The following AZI2 variants were observed in gnomAD, a reference collection of about 807,000 sequenced individuals.
The protein encoded by AZI2 is 5-azacytidine induced 2.
AZI2 carries 22 observed loss-of-function variants against 45.8 expected under a neutral mutation model. The observed-to-expected ratio is 0.48, with a 90% CI of 0.34 to 0.69. The LOEUF is 0.69. Among genes scored for constraint, AZI2 ranks in the 30% least tolerant of loss-of-function variants. The pLI is 0.01. For missense variants in AZI2, 417 were observed against 441.5 expected, an observed-to-expected ratio of 0.94 and a Z score of 0.50; for synonymous variants, 137 against 156.7, an observed-to-expected ratio of 0.87 and a Z score of 0.94.
intron 1 of AZI2, among the ~76,000 whole-genome samples, chr3:28,347,429 C>T (rs1464015435): frequency 2.0e-5 from 3 of 152,128 alleles, no homozygotes; most frequent in Non-Finnish European, 4.4e-5. Flanking sequence ...GAAATTGAGA[C>T]ATGAAAACAT....
At chr3:28,342,711 GCACACACACACACACA>G (rs71087691) in intron 1 of AZI2, among the ~76,000 whole-genome samples, 1 of 147,472 alleles carries the variant, frequency 6.8e-6, no homozygotes, top group African/African-American at 2.5e-5. Context: ...TCTTACACAT[GCACACACACACACACA>G]CACACACACA....
At chr3:28,345,128 A>G (rs1362811096) in intron 1 of AZI2, among the ~76,000 whole-genome samples, 2 of 152,120 alleles carry the variant, frequency 1.3e-5, no homozygotes, top group African/African-American at 4.8e-5. Flanking sequence ...TCCACTGCAG[A>G]TCTATGCAAA....
At chr3:28,327,144 T>C in intron 6 of AZI2, 194 bp from the exon 7 acceptor site, 1 of 528,066 alleles carries the variant, frequency 1.9e-6, no homozygotes, top group Non-Finnish European at 3.4e-6. Flanking sequence ...ACACTGTCCA[T>C]CTGATATGTA....
chr3:28,338,087 G>A, intron 3 of AZI2, 51 bp from the exon 4 acceptor site: 3 of 1,059,268 alleles, frequency 2.8e-6, no homozygotes, highest in Admixed American at 2.3e-5. Flanking sequence ...TCTACACGTT[G>A]GTATATTGTA....
chr3:28,336,753 T>C lies in AZI2; in HGVS notation c.572A>G (p.Gln191Arg), dbSNP rs1703808028. ...KECSDLKIEL[Q>R]KAKQTDPYQE... ...CTGTAATACCGTTTGTTTGGCTTTC[T>C]GTAGTTCTATTTTGAGATCGCTACA... Residue 191 changes from glutamine (Q) to arginine (R), a missense_variant, in exon 5 of 8, where the codon CAG (glutamine) becomes CGG (arginine). By Grantham distance (43) the Gln-to-Arg change is conservative. Coordinates refer to ENST00000479665, the MANE Select transcript of AZI2 (RefSeq NM_022461.5). The C allele has an allele frequency of 1.9e-6, 3 of 1,613,120 alleles. No homozygotes were observed. The highest frequency in any genetic ancestry group is 1.7e-6 in the Non-Finnish European group (2 of 1,179,462).
intron 1 of AZI2, among the ~76,000 whole-genome samples, chr3:28,343,979 ATATAT>A (rs1577142550): frequency 6.6e-6 from 1 of 151,588 alleles, no homozygotes; most frequent in East Asian, 1.9e-4. Context: ...CAAAAGTTGC[ATATAT>A]TATGTAAGAA....
rs771125946 is a variant in AZI2, at chr3:28,324,160, G to A, written c.1061C>T (p.Pro354Leu). The change falls in exon 8 of 8, where the codon CCT (proline) becomes CTT (leucine). Residue 354 changes from proline (P) to leucine (L), a missense_variant. By Grantham distance (98) the Pro-to-Leu change is moderately conservative. Transcript: ENST00000479665. ...LEDNSWVFPS[P>L]PKSSETAFGE... is the part of the protein sequence containing the mutation. ...AAATGCTGTCTCACTTGATTTAGGA[G>A]GACTTGGAAATACCCAGGAATTGTC... 7 of 1,610,646 alleles carry A rather than the reference G, an allele frequency of 4.3e-6. No homozygotes were observed. The highest frequency in any genetic ancestry group is 5.9e-6 in the Non-Finnish European group (7 of 1,177,626).
chr3:28,336,180 A>G (rs1703780860), intron 5 of AZI2, among the ~76,000 whole-genome samples: 2 of 152,054 alleles, frequency 1.3e-5, no homozygotes, highest in South Asian at 4.1e-4. Context: ...ACACTTCAGC[A>G]ACTTGGCAGG....
rs1703276633 is a variant in AZI2, at chr3:28,323,904, C to T, written c.*138G>A. The T allele has an allele frequency of 2.1e-6, 2 of 944,418 alleles. No individual in the cohort carries two copies. Among genetic ancestry groups the T allele is most frequent in the African/African-American group, 3.4e-5 (2 of 59,380 alleles). The allele number at this position is 944,418 out of a possible 1,614,324, so 58.5% of individuals were successfully genotyped here. A position where few individuals can be genotyped will look rare whatever the true frequency, so the allele number is the denominator to read the frequency against. On this transcript the variant is annotated 3_prime_UTR_variant, in exon 8 of 8. Coordinates refer to ENST00000479665, the MANE Select transcript of AZI2 (RefSeq NM_022461.5). Reference sequence around the variant, plus strand: ...CTATGTTGGTTTTTGTACTATTGTACAGTGTGTTCAAATATAGATACTGAA... The same window carrying T: ...CTATGTTGGTTTTTGTACTATTGTATAGTGTGTTCAAATATAGATACTGAA...
chr3:28,348,030 T>C (rs1186327365), intron 1 of AZI2: 2 of 152,238 alleles, frequency 1.3e-5, no homozygotes, highest in Non-Finnish European at 2.9e-5. Flanking sequence ...TTATCTCGCT[T>C]TCGAGTATTG....
chr3:28,338,741 G>A (rs1703896603), intron 2 of AZI2, 126 bp from the exon 3 acceptor site: 1 of 830,220 alleles, frequency 1.2e-6, no homozygotes, highest in Non-Finnish European at 1.7e-6. Context: ...GATTCATTAG[G>A]TGAGTATTTC....
intron 4 of AZI2, among the ~76,000 whole-genome samples, chr3:28,337,591 G>C (rs1308413763): frequency 6.6e-6 from 1 of 152,130 alleles, no homozygotes; most frequent in Non-Finnish European, 1.5e-5. Flanking sequence ...TTAACTGTGG[G>C]CAAGATGTTC....
chr3:28,324,754 TGAA>T (rs937921871), intron 7 of AZI2: 4 of 246,098 alleles, frequency 1.6e-5, no homozygotes, highest in African/African-American at 6.7e-5. Flanking sequence ...TTTTAAAAGA[TGAA>T]GAACTACATA....
At chr3:28,331,650 G>A (rs1703576384) in intron 6 of AZI2, 1 of 1,249,266 alleles carries the variant, frequency 8.0e-7, no homozygotes, top group Non-Finnish European at 1.0e-6. Flanking sequence ...TATTTACTTA[G>A]GTCAGTAAAC....
At position 28,321,065 on chromosome 3, in the gene AZI2, ACT is replaced by A. The variant is rs1432379404; in HGVS notation, c.*2975_*2976del. The A allele has an allele frequency of 6.6e-6, 1 of 151,384 alleles. No individual in the cohort carries two copies. The highest frequency in any genetic ancestry group is 1.5e-5 in the Non-Finnish European group (1 of 67,570). The allele number at this position is 151,384 out of a possible 1,614,324, so 9.4% of individuals were successfully genotyped here. On this transcript the variant is annotated 3_prime_UTR_variant, in exon 8 of 8. Coordinates refer to ENST00000479665, the MANE Select transcript of AZI2 (RefSeq NM_022461.5). ...TCCACACTTTACTCTTGAGTGAACC[ACT>A]CAAAAAACTATTTTACTTTTATTTG...
At chr3:28,331,174 C>A (rs1703556227) in intron 6 of AZI2, among the ~76,000 whole-genome samples, 1 of 151,280 alleles carries the variant, frequency 6.6e-6, no homozygotes, top group African/African-American at 2.4e-5. Flanking sequence ...TTCAAATGTA[C>A]TATTTATATA....
chr3:28,326,852 G>A lies in AZI2; in HGVS notation c.746C>T (p.Thr249Ile), dbSNP rs780211378. 1 of 1,607,892 alleles carries A rather than the reference G, an allele frequency of 6.2e-7. No homozygotes were observed. The highest frequency in any genetic ancestry group is 8.5e-7 in the Non-Finnish European group (1 of 1,175,400). Residue 249 changes from threonine to isoleucine, a missense_variant, in exon 7 of 8, where the codon ACC (threonine) becomes ATC (isoleucine). Transcript: ENST00000479665. Reference protein sequence around the residue: ...VQAELLRKLKTSTAIKKACAP... With the variant: ...VQAELLRKLKISTAIKKACAP... ...CTTGCCTTTCTTGATTGCAGTTGAGGTTTTCAGTTTTCTTAGTAGTTCAGC... is the reference window on the plus strand; with the variant it reads ...CTTGCCTTTCTTGATTGCAGTTGAGATTTTCAGTTTTCTTAGTAGTTCAGC...
Position 28,337,964 on chromosome 3 carries a change from G to C in AZI2, c.412C>G (p.Leu138Val). The change falls in exon 4 of 8, where the codon CTG (leucine) becomes GTG (valine). Residue 138 changes from leucine to valine, a missense_variant. Coordinates refer to ENST00000479665, the MANE Select transcript of AZI2 (RefSeq NM_022461.5). ...TGCTGAGTTTCCACCTCTGTCCTCAGCTGGAGGAGTTCTACTTCTTTAGAT... is the reference window on the plus strand; with the variant it reads ...TGCTGAGTTTCCACCTCTGTCCTCACCTGGAGGAGTTCTACTTCTTTAGAT... ...LQSKEVELLQ[L>V]RTEVETQQVM... The C allele has an allele frequency of 6.3e-7, 1 of 1,598,624 alleles. No homozygotes were observed. The highest frequency in any genetic ancestry group is 8.5e-7 in the Non-Finnish European group (1 of 1,171,132).
At chr3:28,324,500 G>T in intron 7 of AZI2, 46 bp from the exon 8 acceptor site, 2 of 1,393,848 alleles carry the variant, frequency 1.4e-6, no homozygotes, top group South Asian at 2.1e-5. Flanking sequence ...TTACATTTGT[G>T]ATCATAAAAT....
Sources: gnomAD v4.1 joint callset for allele counts (sites outside exome capture counted in the v4.1 genomes callset) on GRCh38, gnomAD v4.1.1 for gene constraint, MANE v1.5 for transcripts, NCBI Gene and HGNC (gene_info 2026-07-23, HGNC 2026-07-21) for gene names.